MLLT10: variants seen among roughly 807,000 people sequenced by gnomAD.
MLLT10 encodes MLLT10 histone lysine methyltransferase DOT1L cofactor, also known as protein AF-10.
MLLT10 carries 30 observed loss-of-function variants against 129.1 expected under a neutral mutation model. That is an observed-to-expected ratio of 0.23 (90% CI 0.17 to 0.32). The LOEUF (loss-of-function observed/expected upper bound fraction) is 0.32. Among genes scored for constraint, MLLT10 ranks in the 10% least tolerant of loss-of-function variants. MLLT10 has a pLI of 1.00. For missense variants in MLLT10, 1,119 were observed against 1,268.3 expected, an observed-to-expected ratio of 0.88 and a Z score of 1.79; for synonymous variants, 490 against 446.4, an observed-to-expected ratio of 1.10 and a Z score of -1.23.
rs369176799 is a variant in MLLT10, at chr10:21,713,871, C to T, written c.1799C>T (p.Ser600Phe). The change falls in exon 14 of 23, where the codon TCT (serine) becomes TTT (phenylalanine). Residue 600 changes from serine to phenylalanine, a missense_variant. Ser to Phe is a radical substitution (Grantham distance 155). Transcript: ENST00000307729. The part of the protein sequence containing the change: ...PVSSSHLPQQ[S>F]SGHLQQVGAL... ...TCCAGCTCTCACTTACCTCAGCAGTCTTCTGGGCATTTGCAACAAGTAGGA... is the reference window on the plus strand; with the variant it reads ...TCCAGCTCTCACTTACCTCAGCAGTTTTCTGGGCATTTGCAACAAGTAGGA... 2.5e-6 allele frequency: 4 copies of T among 1,613,960 alleles called. No homozygotes were observed. The African/African-American group carries it at 5.3e-5, about 22-fold the overall frequency.
chr10:21,736,612 T>A (rs1333422230), intron 21 of MLLT10, among the ~76,000 whole-genome samples: 1 of 152,196 alleles, frequency 6.6e-6, no homozygotes, highest in African/African-American at 2.4e-5. Context: ...CAACAAGACT[T>A]GTTTGCTGGA....
intron 13 of MLLT10, among the ~76,000 whole-genome samples, chr10:21,707,340 G>C (rs1187700823): frequency 6.6e-6 from 1 of 151,550 alleles, no homozygotes; most frequent in African/African-American, 2.4e-5. Context: ...CTACAGGCAC[G>C]CGCCACCATG....
At chr10:21,688,596 TAGC>T in intron 13 of MLLT10, 2 of 1,494,584 alleles carry the variant, frequency 1.3e-6, no homozygotes, top group South Asian at 1.2e-5. Context: ...AATCCTATTG[TAGC>T]TTGGAAACCT....
intron 8 of MLLT10, among the ~76,000 whole-genome samples, chr10:21,631,869 A>G (rs975610301): frequency 6.6e-6 from 1 of 152,022 alleles, no homozygotes; most frequent in Admixed American, 6.6e-5. Flanking sequence ...ATCAGAGGTA[A>G]GAATCATATC....
intron 3 of MLLT10, among the ~76,000 whole-genome samples, chr10:21,541,526 C>G (rs1472117672): frequency 6.6e-6 from 1 of 152,182 alleles, no homozygotes; most frequent in African/African-American, 2.4e-5. Flanking sequence ...TCTGGGACTA[C>G]AGACATGCGC....
intron 8 of MLLT10, among the ~76,000 whole-genome samples, chr10:21,639,933 G>A (rs555960462): frequency 2.0e-5 from 3 of 151,898 alleles, no homozygotes; most frequent in Non-Finnish European, 2.9e-5. Flanking sequence ...GGAAAGGTCC[G>A]AAAGAGAGAG....
At chr10:21,689,623 A>T (rs1202432056) in intron 13 of MLLT10, among the ~76,000 whole-genome samples, 1 of 142,464 alleles carries the variant, frequency 7.0e-6, no homozygotes, top group Non-Finnish European at 1.5e-5. Context: ...ATATATACAC[A>T]CACACACACA....
chr10:21,583,523 T>A (rs1395859478), intron 3 of MLLT10, among the ~76,000 whole-genome samples: 1 of 152,188 alleles, frequency 6.6e-6, no homozygotes, highest in Non-Finnish European at 1.5e-5. Context: ...ATTATTAATA[T>A]AAAGAAAAGA....
intron 3 of MLLT10, among the ~76,000 whole-genome samples, chr10:21,551,627 G>A (rs2037048144): frequency 6.6e-6 from 1 of 151,876 alleles, no homozygotes; most frequent in Non-Finnish European, 1.5e-5. Flanking sequence ...AATGAAGCAG[G>A]TGCTTAATAC....
chr10:21,544,052 T>A (rs1476471901), intron 3 of MLLT10, among the ~76,000 whole-genome samples: 5 of 152,226 alleles, frequency 3.3e-5, no homozygotes, highest in Non-Finnish European at 7.3e-5. Context: ...CTGTGCTAAA[T>A]GTTTTATGCC....
Position 21,692,607 on chromosome 10 carries a change from G to C in MLLT10, c.1699+10350G>C, listed in dbSNP as rs534871385. Among the ~76,000 whole-genome samples, 72 of 151,834 alleles carry C rather than the reference G, an allele frequency of 4.7e-4. 1 individual carries two copies. The highest frequency in any genetic ancestry group is 9.1e-4 in the Non-Finnish European group (62 of 67,958). ...CAATCCTCCTGCCTCAGCCTCTTGA[G>C]TAGCTGGGAATACAGGCACACACCA... On this transcript the variant is annotated intron_variant, in intron 13 of 22. Coordinates refer to ENST00000307729, the MANE Select transcript of MLLT10 (RefSeq NM_001195626.3).
rs749203780 is a variant in MLLT10 at position 21,733,832 on chromosome 10, G to A, written c.2561G>A (p.Gly854Glu). ...SSALSTPPPA[G>E]QSPAQQGSGV... ...GCTCTTTCTACCCCACCTCCTGCTG[G>A]GCAGAGTCCGGCTCAACAAGGCTCA... Residue 854 changes from glycine (G) to glutamate (E), a missense_variant, in exon 20 of 23, where the codon GGG becomes GAG. Physicochemically the swap from Gly to Glu is moderately conservative, Grantham distance 98. Transcript: ENST00000307729. The A allele has an allele frequency of 8.7e-6, 14 of 1,613,986 alleles. No individual in the cohort carries two copies. The highest frequency in any genetic ancestry group is 1.2e-5 in the Non-Finnish European group (14 of 1,180,040).
chr10:21,684,226 G>A (rs986638122), intron 13 of MLLT10, among the ~76,000 whole-genome samples: 1 of 151,984 alleles, frequency 6.6e-6, no homozygotes, highest in African/African-American at 2.4e-5. Flanking sequence ...TCTTTGATTA[G>A]TCCTTGATTG....
chr10:21,584,713 T>C (rs2041824507), intron 3 of MLLT10, among the ~76,000 whole-genome samples: 1 of 151,820 alleles, frequency 6.6e-6, no homozygotes, highest in Non-Finnish European at 1.5e-5. Flanking sequence ...TGTATGTAAG[T>C]GTATATATAT....
At chr10:21,592,310 T>C (rs1417226264) in intron 4 of MLLT10, among the ~76,000 whole-genome samples, 3 of 152,202 alleles carry the variant, frequency 2.0e-5, no homozygotes, top group East Asian at 1.9e-4. Context: ...TCAAGGAAAA[T>C]TGTTTGGTGT....
At chr10:21,726,391 C>T in intron 15 of MLLT10, 36 bp downstream of exon 15, 2 of 1,407,590 alleles carry the variant, frequency 1.4e-6, no homozygotes, top group African/African-American at 1.4e-5. Context: ...TAAAACCCTA[C>T]TCTCACCTAC....
At chr10:21,549,951 C>G (rs2036730352) in intron 3 of MLLT10, among the ~76,000 whole-genome samples, 1 of 152,136 alleles carries the variant, frequency 6.6e-6, no homozygotes, top group African/African-American at 2.4e-5. Context: ...GAGTTGTACT[C>G]TTAAACTAAT....
intron 9 of MLLT10, among the ~76,000 whole-genome samples, chr10:21,657,557 C>A (rs1300959278): frequency 6.6e-6 from 1 of 152,092 alleles, no homozygotes; most frequent in Non-Finnish European, 1.5e-5. Context: ...TAAAAGCAAT[C>A]TTTAACACAT....
At chr10:21,551,125 C>T (rs559239995) in intron 3 of MLLT10, among the ~76,000 whole-genome samples, 9 of 151,586 alleles carry the variant, frequency 5.9e-5, no homozygotes, top group South Asian at 2.1e-4. Flanking sequence ...CGGGGTTTCA[C>T]CACGTTGGTC....
Sources: gnomAD v4.1 joint callset for allele counts (sites outside exome capture counted in the v4.1 genomes callset) on GRCh38, gnomAD v4.1.1 for gene constraint, MANE v1.5 for transcripts, NCBI Gene and HGNC (gene_info 2026-07-23, HGNC 2026-07-21) for gene names.